Variants in NOX4 observed in about 807,000 individuals in gnomAD.
The protein encoded by NOX4 is NADPH oxidase 4.
Under a neutral mutation model 87.6 loss-of-function variants are expected in NOX4, and 69 were observed. The ratio of observed to expected loss-of-function variants is 0.79; its 90% CI spans 0.65 to 0.96. NOX4 has a LOEUF of 0.96. Ranked by LOEUF, NOX4 falls within the 40% of genes least tolerant of loss-of-function variation. The pLI is 0.00. For synonymous variants in NOX4, 275 were observed against 238.2 expected (o/e 1.15, Z -1.42); for missense variants, 680 against 681.5 (o/e 1.00, Z 0.02).
At chr11:89,356,430 A>T (rs1187413765) in intron 12 of NOX4, among the ~76,000 whole-genome samples, 1 of 101,910 alleles carries the variant, frequency 9.8e-6, no homozygotes, top group Non-Finnish European at 1.8e-5. Flanking sequence ...AGGAAGGGGG[A>T]AAAAAAAAGG....
chr11:89,508,535 T>C, the NOX4 span, among the ~76,000 whole-genome samples: 1 of 152,090 alleles, frequency 6.6e-6, no homozygotes, highest in East Asian at 1.9e-4. Context: ...AGCAATGAGA[T>C]AGAACATAAT....
intron 8 of NOX4, among the ~76,000 whole-genome samples, chr11:89,411,157 C>A (rs2135225467): frequency 6.6e-6 from 1 of 152,186 alleles, no homozygotes; most frequent in East Asian, 1.9e-4. Context: ...AGAGAAGGAC[C>A]CAGTCCTGGC....
chr11:89,576,706 A>T, the NOX4 span, among the ~76,000 whole-genome samples: 1 of 152,138 alleles, frequency 6.6e-6, no homozygotes, highest in East Asian at 1.9e-4. Context: ...GGCTTATAGG[A>T]CATTCCTTCA....
At chr11:89,465,284 G>A (rs535886786) in intron 2 of NOX4, among the ~76,000 whole-genome samples, 5 of 152,044 alleles carry the variant, frequency 3.3e-5, no homozygotes, top group East Asian at 1.9e-4. Flanking sequence ...GGTTTCCAGC[G>A]TCATCCATGT....
Position 89,390,226 on chromosome 11 carries a change from T to C in NOX4, c.1074+9791A>G, listed in dbSNP as rs1941033625. Among the ~76,000 whole-genome samples the C allele has an allele frequency of 2.6e-5, 4 of 152,280 alleles. No homozygotes were observed. In the South Asian group the frequency reaches 8.3e-4, roughly 32 times the overall value. On this transcript the variant is annotated intron_variant, in intron 11 of 17. Transcript: ENST00000263317. ...CATAATGTAAAATTTAGCTTAGAAA[T>C]ATTTGCCCTACTCAAATTCATTTCT...
the NOX4 span, among the ~76,000 whole-genome samples, chr11:89,560,533 A>T: frequency 4.1e-4 from 63 of 152,162 alleles, no homozygotes; most frequent in Non-Finnish European, 3.1e-4. Flanking sequence ...TCCATGAGGT[A>T]TGTCTGTGAG....
rs1565355211 is a variant in NOX4, at chr11:89,491,184, T to C, written c.57+6A>G. 6.2e-7 allele frequency: 1 copy of C among 1,613,348 alleles called. No individual in the cohort carries two copies. The highest frequency in any genetic ancestry group is 8.5e-7 in the Non-Finnish European group (1 of 1,179,596). ...AACGCAAGGAGAGCCTAGCCCGCCA[T>C]CCTACCAGGCAGAGGTGTTTAACCC... On this transcript the variant is annotated splice_donor_region_variant and intron_variant, in intron 1 of 17. Coordinates refer to ENST00000263317, the MANE Select transcript of NOX4 (RefSeq NM_016931.5).
intron 11 of NOX4, among the ~76,000 whole-genome samples, chr11:89,378,573 A>C (rs1591064210): frequency 6.6e-6 from 1 of 152,226 alleles, no homozygotes; most frequent in Non-Finnish European, 1.5e-5. Context: ...ATTCCACAGC[A>C]CCTTACACAT....
chr11:89,500,058 T>G (rs1470451677), upstream of NOX4, among the ~76,000 whole-genome samples: 1 of 152,140 alleles, frequency 6.6e-6, no homozygotes, highest in African/African-American at 2.4e-5. Flanking sequence ...TTCACTCCCC[T>G]AAGTAATGTA....
intron 8 of NOX4, among the ~76,000 whole-genome samples, chr11:89,409,838 C>A (rs1942382350): frequency 1.3e-5 from 2 of 152,098 alleles, no homozygotes; most frequent in Non-Finnish European, 2.9e-5. Flanking sequence ...AATTTGGATT[C>A]CATCTAAGAG....
intron 4 of NOX4, among the ~76,000 whole-genome samples, chr11:89,447,639 C>T (rs1401088642): frequency 6.6e-6 from 1 of 152,208 alleles, no homozygotes; most frequent in African/African-American, 2.4e-5. Flanking sequence ...CCCTCTGGAA[C>T]ACAAGCTCAT....
intron 12 of NOX4, among the ~76,000 whole-genome samples, chr11:89,370,658 C>G (rs951411015): frequency 6.6e-6 from 1 of 152,034 alleles, no homozygotes; most frequent in African/African-American, 2.4e-5. Context: ...ACTCCATCTA[C>G]TGTACTAGCA....
intron 8 of NOX4, among the ~76,000 whole-genome samples, chr11:89,420,727 A>C (rs1943037544): frequency 6.6e-6 from 1 of 152,210 alleles, no homozygotes; most frequent in South Asian, 2.1e-4. Flanking sequence ...AACTAAACAA[A>C]GGTCTGAACC....
the NOX4 span, among the ~76,000 whole-genome samples, chr11:89,553,695 CAGAA>C: frequency 2.0e-5 from 3 of 151,768 alleles, no homozygotes; most frequent in African/African-American, 7.3e-5. Flanking sequence ...ATTGCAAAGA[CAGAA>C]AGAAATTTTA....
rs201916727 is a variant in NOX4, at chr11:89,325,885, G to GTATATATATATA, written c.*859_*870dup. On this transcript the variant is annotated 3_prime_UTR_variant, in exon 18 of 18. Coordinates refer to ENST00000263317, the MANE Select transcript of NOX4 (RefSeq NM_016931.5). ...AAAGGGAAAAGTTATTAGTATATGT[G>GTATATATATATA]TATATATATATATATATATATATAT... is the stretch of plus-strand genomic sequence containing the variant. The GTATATATATATA allele has an allele frequency of 1.5e-5, 2 of 137,186 alleles. No individual in the cohort carries two copies. The highest frequency in any genetic ancestry group is 7.4e-5 in the Admixed American group (1 of 13,486). 8.5% of individuals were successfully genotyped at this position (137,186 alleles called of 1,614,324 possible).
intron 17 of NOX4, among the ~76,000 whole-genome samples, chr11:89,333,084 T>C (rs561790412): frequency 4.6e-5 from 7 of 151,968 alleles, no homozygotes; most frequent in African/African-American, 1.7e-4. Flanking sequence ...AGAAAGTATG[T>C]ACAAAGATAA....
At chr11:89,556,876 G>C in the NOX4 span, 1 of 152,160 alleles carries the variant, frequency 6.6e-6, no homozygotes, top group South Asian at 2.1e-4. Flanking sequence ...TTATGAGATG[G>C]GGTGGAGGAG....
intron 11 of NOX4, among the ~76,000 whole-genome samples, chr11:89,378,145 A>G (rs1442041250): frequency 6.6e-6 from 1 of 152,114 alleles, no homozygotes; most frequent in African/African-American, 2.4e-5. Flanking sequence ...AAAACCACCC[A>G]TATTCTTTCT....
chr11:89,561,474 T>C, the NOX4 span, among the ~76,000 whole-genome samples: 2 of 152,156 alleles, frequency 1.3e-5, no homozygotes, highest in African/African-American at 4.8e-5. Flanking sequence ...CTGTGATGAC[T>C]GGAGCTAATT....
Sources: allele counts gnomAD v4.1 joint callset (sites outside exome capture counted in the v4.1 genomes callset), GRCh38; gene constraint gnomAD v4.1.1; transcripts MANE v1.5; gene names NCBI Gene and HGNC (gene_info 2026-07-23, HGNC 2026-07-21).